Variants in SOX6 observed in about 807,000 individuals in gnomAD.
SOX6 encodes transcription factor SOX-6.
In SOX6, 11 loss-of-function variants were observed where a neutral mutation model predicts 97.8. That is an observed-to-expected ratio of 0.11 (90% CI 0.07 to 0.19). The LOEUF (loss-of-function observed/expected upper bound fraction) is 0.19, where lower values mean the gene tolerates loss of function less well. SOX6 is among the 10% of genes least tolerant of loss of function. SOX6 has a pLI of 1.00. For synonymous variants in SOX6, 360 were observed against 371.4 expected (o/e 0.97, Z 0.35); for missense variants, 810 against 1,039.5 (o/e 0.78, Z 3.04).
chr11:16,424,576 C>T (rs1859087900), intron 1 of SOX6, among the ~76,000 whole-genome samples: 1 of 152,058 alleles, frequency 6.6e-6, no homozygotes, highest in Non-Finnish European at 1.5e-5. Flanking sequence ...ACCTTCTGAA[C>T]AGAGATGGAA....
At chr11:16,718,760 G>C (rs866597474) in intron 2 of SOX6, among the ~76,000 whole-genome samples, 3 of 151,628 alleles carry the variant, frequency 2.0e-5, no homozygotes, top group South Asian at 2.1e-4. Context: ...TTGTGACAAG[G>C]GAAAATATTA....
At chr11:16,695,177 A>G (rs899981563) in intron 3 of SOX6, among the ~76,000 whole-genome samples, 1 of 152,228 alleles carries the variant, frequency 6.6e-6, no homozygotes, top group Non-Finnish European at 1.5e-5. Flanking sequence ...GGATTGCATC[A>G]GGGATAAAAA....
In SOX6 at chr11:16,046,602, C is replaced by T. The variant is rs765296067; in HGVS notation, c.1535G>A (p.Arg512Gln). The T allele has an allele frequency of 7.4e-6, 12 of 1,613,616 alleles. No homozygotes were observed. The highest frequency in any genetic ancestry group is 5.3e-5 in the African/African-American group (4 of 74,888). ...EARKMREQIQ[R>Q]EQQQQQPHGV... is the part of the protein sequence containing the mutation. Reference sequence around the variant, plus strand: ...ATGTGGCTGTTGCTGCTGTTGCTCCCGCTGGATCTGCTCTCGCATCTTCCG... The same window carrying T: ...ATGTGGCTGTTGCTGCTGTTGCTCCTGCTGGATCTGCTCTCGCATCTTCCG... Residue 512 changes from arginine to glutamine, a missense_variant, in exon 12 of 16, where the codon CGG (arginine) becomes CAG (glutamine). Physicochemically the swap from Arg to Gln is conservative, Grantham distance 43. Coordinates refer to ENST00000683767, the MANE Select transcript of SOX6 (RefSeq NM_001367873.1).
chr11:16,679,910 A>G (rs1046799796), intron 3 of SOX6, among the ~76,000 whole-genome samples: 3 of 152,210 alleles, frequency 2.0e-5, no homozygotes, highest in Non-Finnish European at 4.4e-5. Flanking sequence ...AGATTAGAGA[A>G]AAAAGAATGA....
At chr11:16,251,782 T>C (rs1420611966) in intron 3 of SOX6, among the ~76,000 whole-genome samples, 2 of 152,144 alleles carry the variant, frequency 1.3e-5, no homozygotes, top group African/African-American at 4.8e-5. Flanking sequence ...ATCTCCGTCA[T>C]AATCATAGAT....
rs58807051 is a variant in SOX6 at position 16,712,078 on chromosome 11, TACACACAC to T, written n.429+2744_429+2751del. ...CTTTTTATGGCTGAGTAGTATTCCATACACACACACACACACACACACACACACACACA... is the reference window on the plus strand; with the variant it reads ...CTTTTTATGGCTGAGTAGTATTCCATACACACACACACACACACACACACA... On this transcript the variant is annotated intron_variant and non_coding_transcript_variant, in intron 3 of 5. Coordinates refer to the SOX6 transcript ENST00000524520. Among the ~76,000 whole-genome samples the T allele has an allele frequency of 8.7e-3, 1,217 of 139,988 alleles. 14 individuals carry two copies. The highest frequency in any genetic ancestry group is 0.028 in the African/African-American group (1,072 of 37,766). The allele number at this position is 139,988 out of a possible 152,430, so 91.8% of individuals were successfully genotyped here.
chr11:16,279,596 A>G (rs1854495020), intron 3 of SOX6, among the ~76,000 whole-genome samples: 1 of 151,982 alleles, frequency 6.6e-6, no homozygotes, highest in Non-Finnish European at 1.5e-5. Context: ...AACTTCAATA[A>G]TAATATGCCT....
intron 1 of SOX6, among the ~76,000 whole-genome samples, chr11:16,444,984 A>G (rs1430556894): frequency 1.3e-5 from 2 of 152,206 alleles, no homozygotes; most frequent in African/African-American, 4.8e-5. Flanking sequence ...TAACTTCCAC[A>G]TAGAAATCAT....
intron 4 of SOX6, among the ~76,000 whole-genome samples, chr11:16,196,830 CTTTT>C (rs34023402): frequency 2.7e-4 from 17 of 63,518 alleles, no homozygotes; most frequent in African/African-American, 1.1e-3. Context: ...TCTTCTTCTT[CTTTT>C]TTTTTTTTTT....
intron 1 of SOX6, among the ~76,000 whole-genome samples, chr11:16,388,254 A>G (rs1858053606): frequency 6.6e-6 from 1 of 152,076 alleles, no homozygotes; most frequent in South Asian, 2.1e-4. Flanking sequence ...CCAATCTTGT[A>G]TTTCTGGACT....
chr11:16,231,956 C>T (rs1291672195), intron 4 of SOX6, among the ~76,000 whole-genome samples: 1 of 151,520 alleles, frequency 6.6e-6, no homozygotes, highest in Non-Finnish European at 1.5e-5. Flanking sequence ...AAAGAATATA[C>T]AATAAGATAC....
At chr11:16,444,688 G>A (rs1197593790) in intron 1 of SOX6, among the ~76,000 whole-genome samples, 2 of 152,142 alleles carry the variant, frequency 1.3e-5, no homozygotes, top group Non-Finnish European at 2.9e-5. Flanking sequence ...TGTTATTATA[G>A]AATCATTCTG....
intron 3 of SOX6, among the ~76,000 whole-genome samples, chr11:16,256,219 A>G (rs752583692): frequency 3.9e-5 from 6 of 151,998 alleles, no homozygotes; most frequent in Non-Finnish European, 5.9e-5. Flanking sequence ...CATTATCCTA[A>G]TATCAAAACT....
chr11:16,604,833 A>T (rs1230795622), intron 4 of SOX6, among the ~76,000 whole-genome samples: 1 of 152,232 alleles, frequency 6.6e-6, no homozygotes, highest in Non-Finnish European at 1.5e-5. Flanking sequence ...ACCGTAAATA[A>T]AACTCAAAAC....
chr11:16,520,908 T>C (rs1177880154), intron 4 of SOX6, among the ~76,000 whole-genome samples: 2 of 152,156 alleles, frequency 1.3e-5, no homozygotes, highest in East Asian at 3.9e-4. Flanking sequence ...AACTGCAAGG[T>C]GGCAGCGAGG....
intron 2 of SOX6, among the ~76,000 whole-genome samples, chr11:16,728,418 C>G (rs1848323793): frequency 6.6e-6 from 1 of 152,142 alleles, no homozygotes; most frequent in Non-Finnish European, 1.5e-5. Context: ...CATTCTCTGC[C>G]AGTGATAGCC....
chr11:16,031,765 T>C (rs1564916249), intron 12 of SOX6, among the ~76,000 whole-genome samples: 1 of 149,796 alleles, frequency 6.7e-6, no homozygotes, highest in African/African-American at 2.5e-5. Context: ...GAAAGGGCAA[T>C]GGGGGAGCAG....
intron 3 of SOX6, among the ~76,000 whole-genome samples, chr11:16,251,557 C>T (rs1018563984): frequency 1.3e-5 from 2 of 151,564 alleles, no homozygotes; most frequent in African/African-American, 4.8e-5. Flanking sequence ...AAATAGAAAA[C>T]AGAAATAGTG....
chr11:16,279,953 A>G (rs1854504922), intron 3 of SOX6, among the ~76,000 whole-genome samples: 2 of 152,268 alleles, frequency 1.3e-5, no homozygotes, highest in Admixed American at 6.6e-5. Flanking sequence ...AAATTAAATC[A>G]GAAAAGGGTG....
Sources: gnomAD v4.1 joint callset for allele counts (sites outside exome capture counted in the v4.1 genomes callset) on GRCh38, gnomAD v4.1.1 for gene constraint, MANE v1.5 for transcripts, NCBI Gene and HGNC (gene_info 2026-07-23, HGNC 2026-07-21) for gene names.